Variants in GULP1 observed in about 807,000 individuals in gnomAD.
GULP1 encodes the protein PTB domain-containing engulfment adapter protein 1.
In GULP1, 19 loss-of-function variants were observed where a neutral mutation model predicts 40.9. The ratio of observed to expected loss-of-function variants is 0.46; its 90% CI spans 0.32 to 0.68. GULP1 has a LOEUF of 0.68. Among genes scored for constraint, GULP1 ranks in the 30% least tolerant of loss-of-function variants. GULP1 has a pLI of 0.03. For synonymous variants in GULP1, 119 were observed against 117.6 expected (o/e 1.01, Z -0.08); for missense variants, 312 against 362.2 (o/e 0.86, Z 1.12).
At chr2:188,559,436 G>A (rs1215534938) in intron 7 of GULP1, among the ~76,000 whole-genome samples, 1 of 152,218 alleles carries the variant, frequency 6.6e-6, no homozygotes, top group Non-Finnish European at 1.5e-5. Flanking sequence ...TATGCCGCAG[G>A]GGTGGGGCAC....
intron 2 of GULP1, among the ~76,000 whole-genome samples, chr2:188,392,175 G>T (rs964922059): frequency 1.3e-5 from 2 of 151,866 alleles, no homozygotes; most frequent in African/African-American, 2.4e-5. Flanking sequence ...ACTAAGATTG[G>T]TATCAATTGT....
At chr2:188,340,557 G>T (rs2042827490) in intron 1 of GULP1, among the ~76,000 whole-genome samples, 1 of 152,166 alleles carries the variant, frequency 6.6e-6, no homozygotes, top group African/African-American at 2.4e-5. Flanking sequence ...GAGGGCTTGT[G>T]TTGCCATGTG....
intron 7 of GULP1, among the ~76,000 whole-genome samples, chr2:188,559,474 C>T (rs964836848): frequency 2.3e-4 from 35 of 152,238 alleles, no homozygotes; most frequent in Admixed American, 2.6e-4. Context: ...TAGGGCAGTG[C>T]GGAAGGGAAA....
intron 1 of GULP1, among the ~76,000 whole-genome samples, chr2:188,377,503 C>T (rs1008700271): frequency 6.6e-6 from 1 of 152,126 alleles, no homozygotes; most frequent in African/African-American, 2.4e-5. Flanking sequence ...GAGAATTGGC[C>T]ATATTTGTAT....
chr2:188,403,575 A>G (rs1156462375), intron 2 of GULP1, among the ~76,000 whole-genome samples: 1 of 152,230 alleles, frequency 6.6e-6, no homozygotes, highest in Non-Finnish European at 1.5e-5. Flanking sequence ...TCACTTCAGA[A>G]CTATGCAGGA....
intron 2 of GULP1, among the ~76,000 whole-genome samples, chr2:188,446,660 A>G (rs2058412232): frequency 6.6e-6 from 1 of 152,210 alleles, no homozygotes; most frequent in African/African-American, 2.4e-5. Flanking sequence ...TGCTTGTTAC[A>G]TACACTAGGA....
chr2:188,554,599 T>A (rs562863889), intron 7 of GULP1, among the ~76,000 whole-genome samples: 110 of 151,990 alleles, frequency 7.2e-4, no homozygotes, highest in Non-Finnish European at 1.4e-3. Flanking sequence ...TATGTGCTAA[T>A]GAAAAGAATG....
At chr2:188,314,033 G>A in intron 1 of GULP1, among the ~76,000 whole-genome samples, 1 of 151,214 alleles carries the variant, frequency 6.6e-6, no homozygotes, top group East Asian at 1.9e-4. Flanking sequence ...ATAAAATAAA[G>A]TAACATAATA....
intron 2 of GULP1, among the ~76,000 whole-genome samples, chr2:188,431,646 C>T (rs982587735): frequency 3.3e-5 from 5 of 152,020 alleles, no homozygotes; most frequent in African/African-American, 4.8e-5. Flanking sequence ...AACTTAACCA[C>T]GTAGAAAATA....
At chr2:188,579,007 A>T (rs1700737344) in intron 9 of GULP1, among the ~76,000 whole-genome samples, 1 of 152,194 alleles carries the variant, frequency 6.6e-6, no homozygotes, top group Non-Finnish European at 1.5e-5. Context: ...CCGCACGTTC[A>T]TATCCTTATT....
intron 1 of GULP1, among the ~76,000 whole-genome samples, chr2:188,375,988 C>G (rs2048248943): frequency 6.6e-6 from 1 of 152,064 alleles, no homozygotes; most frequent in Non-Finnish European, 1.5e-5. Context: ...GAAAAGCCAG[C>G]CCTCCATATC....
At chr2:188,392,052 G>T (rs927178511) in intron 2 of GULP1, among the ~76,000 whole-genome samples, 1 of 151,946 alleles carries the variant, frequency 6.6e-6, no homozygotes, top group African/African-American at 2.4e-5. Flanking sequence ...GTTCATCAGG[G>T]ATACTGGTCT....
At chr2:188,480,609 T>C (rs1302023619) in intron 3 of GULP1, among the ~76,000 whole-genome samples, 2 of 151,938 alleles carry the variant, frequency 1.3e-5, no homozygotes, top group Non-Finnish European at 2.9e-5. Flanking sequence ...TGAGCTCTTT[T>C]GAAAAGATCT....
At position 188,312,259 on chromosome 2, in the gene GULP1, A is replaced by G. The variant is rs1270151944; in HGVS notation, c.-172+20093A>G. Among the ~76,000 whole-genome samples the G allele has an allele frequency of 7.2e-5, 11 of 151,966 alleles. No individual in the cohort carries two copies. The East Asian group carries it at 7.7e-4, about 11-fold the overall frequency. On this transcript the variant is annotated intron_variant, in intron 1 of 11. Coordinates refer to ENST00000409830, the MANE Select transcript of GULP1 (RefSeq NM_016315.4). ...TTTGTTACACAGATATATGTTTTCC[A>G]TGGTGGTTTGCTGCACCTATTGACC...
At chr2:188,420,885 A>G (rs1194151432) in intron 2 of GULP1, among the ~76,000 whole-genome samples, 1 of 152,062 alleles carries the variant, frequency 6.6e-6, no homozygotes, top group East Asian at 1.9e-4. Flanking sequence ...TAGGCTTTAG[A>G]TTGTCCTTGG....
chr2:188,418,848 A>G (rs2054954537), intron 2 of GULP1, among the ~76,000 whole-genome samples: 1 of 152,082 alleles, frequency 6.6e-6, no homozygotes, highest in Non-Finnish European at 1.5e-5. Flanking sequence ...GCTTGACTGA[A>G]ACTTTATTCC....
At chr2:188,475,703 T>C (rs1171206130) in intron 2 of GULP1, among the ~76,000 whole-genome samples, 1 of 152,084 alleles carries the variant, frequency 6.6e-6, no homozygotes, top group Non-Finnish European at 1.5e-5. Flanking sequence ...TTTCTACTAG[T>C]TTATTTTTAT....
intron 4 of GULP1, among the ~76,000 whole-genome samples, chr2:188,517,920 G>A (rs2065353151): frequency 6.6e-6 from 1 of 151,922 alleles, no homozygotes; most frequent in Admixed American, 6.6e-5. Context: ...AGAGGTCCCC[G>A]GCCTAATTCT....
intron 1 of GULP1, among the ~76,000 whole-genome samples, chr2:188,372,696 A>C (rs2152449021): frequency 6.6e-6 from 1 of 152,066 alleles, no homozygotes; most frequent in Admixed American, 6.6e-5. Flanking sequence ...ATTAGACTGG[A>C]CCTTTTTATG....
Sources: gnomAD v4.1 joint callset for allele counts (sites outside exome capture counted in the v4.1 genomes callset) on GRCh38, gnomAD v4.1.1 for gene constraint, MANE v1.5 for transcripts, NCBI Gene and HGNC (gene_info 2026-07-23, HGNC 2026-07-21) for gene names.